Variants in PDGFD observed in about 807,000 individuals in gnomAD.
The protein encoded by PDGFD is platelet derived growth factor D.
In PDGFD, 30 loss-of-function variants were observed where a neutral mutation model predicts 44.7. That is an observed-to-expected ratio of 0.67 (90% CI 0.50 to 0.91). The LOEUF (loss-of-function observed/expected upper bound fraction) is 0.91, where lower values mean the gene tolerates loss of function less well. PDGFD is among the 40% of genes least tolerant of loss of function. The pLI, the probability that PDGFD is intolerant of heterozygous loss-of-function variation, is 0.00. For missense variants in PDGFD, 445 were observed against 457.8 expected, an observed-to-expected ratio of 0.97 and a Z score of 0.25; for synonymous variants, 173 against 168.4, an observed-to-expected ratio of 1.03 and a Z score of -0.21.
At chr11:104,147,686 A>G (rs779121980) in intron 1 of PDGFD, among the ~76,000 whole-genome samples, 25 of 152,162 alleles carry the variant, frequency 1.6e-4, no homozygotes, top group South Asian at 2.1e-4. Flanking sequence ...ATCTAAGGCC[A>G]CTAACTCCAA....
chr11:103,946,550 C>G (rs974314092), intron 4 of PDGFD: 1 of 152,258 alleles, frequency 6.6e-6, no homozygotes, highest in Non-Finnish European at 1.5e-5. Context: ...TCCCATGACC[C>G]TCAGTCAAGG....
chr11:104,026,425 T>C (rs260855), intron 1 of PDGFD, among the ~76,000 whole-genome samples: 14,985 of 152,276 alleles, frequency 0.098, 824 homozygotes, highest in African/African-American at 0.13. Context: ...CCATTTTATA[T>C]CTTATGTTAT....
intron 1 of PDGFD, among the ~76,000 whole-genome samples, chr11:104,118,700 C>G (rs1861677106): frequency 9.6e-6 from 1 of 103,910 alleles, no homozygotes; most frequent in Non-Finnish European, 1.9e-5. Flanking sequence ...CTCACCATCT[C>G]CTTAATTTAT....
chr11:103,987,866 C>A (rs1455296471), intron 3 of PDGFD, among the ~76,000 whole-genome samples: 2 of 152,134 alleles, frequency 1.3e-5, no homozygotes, highest in Non-Finnish European at 2.9e-5. Flanking sequence ...GCAATTCGCT[C>A]CTTTGTGAGG....
In PDGFD at chr11:104,000,170, C is replaced by A; in HGVS notation, c.210G>T (p.Pro70=). ...GGAGCAGGTTCCTGGGGTAGCTGTT[C>A]GGGAATCTAGGACTCTGCACGTAGC... ...GNGYVQSPRF[P]NSYPRNLLLT... Residue 70 remains proline (P), a synonymous_variant, in exon 2 of 7, where the codon CCG becomes CCT. Coordinates refer to ENST00000393158, the MANE Select transcript of PDGFD (RefSeq NM_025208.5). 1 of 1,613,948 alleles carries A rather than the reference C, an allele frequency of 6.2e-7. No individual in the cohort carries two copies.
chr11:104,053,182 G>C lies in PDGFD; in HGVS notation c.125-52927C>G, dbSNP rs146864781. ...AACTTGATTTCCTAATGATACCTTG[G>C]GGGAGGGGAAAAAAGGTCCTTTTTA... On this transcript the variant is annotated intron_variant, in intron 1 of 6. Transcript: ENST00000393158. Among the ~76,000 whole-genome samples the C allele has an allele frequency of 2.0e-5, 3 of 152,142 alleles. No homozygotes were observed. The East Asian group carries it at 5.8e-4, about 29-fold the overall frequency.
chr11:104,065,572 G>C (rs1023603269), intron 1 of PDGFD, among the ~76,000 whole-genome samples: 4 of 152,114 alleles, frequency 2.6e-5, no homozygotes, highest in African/African-American at 9.7e-5. Flanking sequence ...TCTTAAAATA[G>C]AATTGGCTTT....
intron 1 of PDGFD, among the ~76,000 whole-genome samples, chr11:104,125,248 G>A (rs944568243): frequency 2.6e-5 from 4 of 152,038 alleles, no homozygotes; most frequent in Admixed American, 2.6e-4. Context: ...TGAATTTCCT[G>A]CTTACCAGCT....
intron 1 of PDGFD, among the ~76,000 whole-genome samples, chr11:104,090,951 T>G (rs905773639): frequency 2.6e-5 from 4 of 152,042 alleles, no homozygotes; most frequent in Admixed American, 6.6e-5. Flanking sequence ...CTAAAACAGA[T>G]GTAGCAACTT....
rs375695714 is a variant in PDGFD at position 104,019,356 on chromosome 11, T to C, written c.125-19101A>G. Among the ~76,000 whole-genome samples the C allele has an allele frequency of 3.9e-5, 6 of 152,186 alleles. No homozygotes were observed. The East Asian group carries it at 5.8e-4, about 15-fold the overall frequency. On this transcript the variant is annotated intron_variant, in intron 1 of 6. Transcript: ENST00000393158. ...GCATTGTGACAGAAAATTTAATATG[T>C]GCCATTTTATTGGCACAAATGAGGC...
chr11:103,977,749 T>C (rs1185660545), intron 3 of PDGFD, among the ~76,000 whole-genome samples: 1 of 152,012 alleles, frequency 6.6e-6, no homozygotes, highest in Non-Finnish European at 1.5e-5. Flanking sequence ...TTTTCACCCA[T>C]AAAAGGAGTG....
chr11:103,955,746 A>T (rs1342789781), intron 3 of PDGFD, among the ~76,000 whole-genome samples: 2 of 152,186 alleles, frequency 1.3e-5, no homozygotes, highest in Non-Finnish European at 2.9e-5. Context: ...TTAGAGTTAC[A>T]AGAAGCCCTG....
At chr11:103,924,227 C>T (rs150482764) in intron 6 of PDGFD, among the ~76,000 whole-genome samples, 118 of 152,330 alleles carry the variant, frequency 7.7e-4, no homozygotes, top group African/African-American at 2.8e-3. Context: ...TCCACAAATA[C>T]ATCAAAGTCC....
intron 5 of PDGFD, among the ~76,000 whole-genome samples, chr11:103,940,690 T>A (rs181395902): frequency 6.6e-6 from 1 of 152,280 alleles, no homozygotes; most frequent in Admixed American, 6.5e-5. Context: ...TGCAGGTGAT[T>A]CAGCATCAAT....
chr11:104,050,553 A>G (rs1237819498), intron 1 of PDGFD, among the ~76,000 whole-genome samples: 1 of 152,158 alleles, frequency 6.6e-6, no homozygotes, highest in Non-Finnish European at 1.5e-5. Flanking sequence ...TCCTGGACAT[A>G]CACCCTTGGG....
At chr11:104,137,293 A>G (rs1412901962) in intron 1 of PDGFD, among the ~76,000 whole-genome samples, 1 of 152,224 alleles carries the variant, frequency 6.6e-6, no homozygotes, top group Non-Finnish European at 1.5e-5. Flanking sequence ...ATGAGCATAA[A>G]CAAGAGAGAT....
intron 3 of PDGFD, among the ~76,000 whole-genome samples, chr11:103,988,166 G>T (rs115628700): frequency 0.012 from 1,769 of 151,770 alleles, 33 homozygotes; most frequent in African/African-American, 0.039. Flanking sequence ...TTCCTACTTC[G>T]TTTTCCTCAT....
In PDGFD at chr11:103,985,458, C is replaced by T. The variant is rs567706729; in HGVS notation, c.510+10607G>A. Among the ~76,000 whole-genome samples the T allele has an allele frequency of 2.0e-5, 3 of 151,598 alleles. No homozygotes were observed. In the South Asian group the frequency reaches 6.2e-4, roughly 31 times the overall value. On this transcript the variant is annotated intron_variant, in intron 3 of 6. Coordinates refer to ENST00000393158, the MANE Select transcript of PDGFD (RefSeq NM_025208.5). The stretch of plus-strand genomic sequence containing the variant: ...TCAAGTAATCCTCCTGCATCAGCCT[C>T]CCAAAGTGCTGGGATTACAGGTGTG...
At chr11:103,954,033 T>C (rs1233558803) in intron 3 of PDGFD, among the ~76,000 whole-genome samples, 1 of 152,222 alleles carries the variant, frequency 6.6e-6, no homozygotes, top group East Asian at 1.9e-4. Context: ...TGAAAGCAAA[T>C]ATAGCTGGGG....
Sources: gnomAD v4.1 joint callset for allele counts (sites outside exome capture counted in the v4.1 genomes callset) on GRCh38, gnomAD v4.1.1 for gene constraint, MANE v1.5 for transcripts, NCBI Gene and HGNC (gene_info 2026-07-23, HGNC 2026-07-21) for gene names.